NRG1: variants seen among roughly 807,000 people sequenced by gnomAD.
NRG1 encodes pro-neuregulin-1, membrane-bound isoform.
In NRG1, 18 loss-of-function variants were observed where a neutral mutation model predicts 63.8. The ratio of observed to expected loss-of-function variants is 0.28; its 90% confidence interval spans 0.19 to 0.42. NRG1 has a LOEUF of 0.42. NRG1 is among the 10% of genes least tolerant of loss of function. The pLI is 1.00. For synonymous variants in NRG1, 302 were observed against 301.3 expected (o/e 1.00, Z -0.02); for missense variants, 762 against 814.7 (o/e 0.94, Z 0.79).
At chr8:32,033,502 A>G (rs1818593684) in intron 1 of NRG1, among the ~76,000 whole-genome samples, 1 of 152,138 alleles carries the variant, frequency 6.6e-6, no homozygotes, top group South Asian at 2.1e-4. Flanking sequence ...ATTGTATTTT[A>G]ATGGAAATAG....
intron 1 of NRG1, among the ~76,000 whole-genome samples, chr8:32,061,284 C>T (rs1312191259): frequency 6.6e-6 from 1 of 151,838 alleles, no homozygotes; most frequent in Non-Finnish European, 1.5e-5. Context: ...CTTTAAAGCA[C>T]CAGACCAGTA....
At chr8:32,539,094 C>T (rs1832320152) in intron 1 of NRG1, among the ~76,000 whole-genome samples, 1 of 152,078 alleles carries the variant, frequency 6.6e-6, no homozygotes, top group African/African-American at 2.4e-5. Context: ...GCTAGAAAAC[C>T]ATAGTTCAGT....
At chr8:32,662,176 A>C (rs1203543939) in intron 5 of NRG1, among the ~76,000 whole-genome samples, 1 of 152,186 alleles carries the variant, frequency 6.6e-6, no homozygotes, top group Non-Finnish European at 1.5e-5. Flanking sequence ...AAATACCCTT[A>C]AGAAATACAT....
At chr8:32,685,493 G>A (rs1301932653) in intron 5 of NRG1, among the ~76,000 whole-genome samples, 4 of 152,156 alleles carry the variant, frequency 2.6e-5, no homozygotes, top group Non-Finnish European at 5.9e-5. Flanking sequence ...AGCAAATTCT[G>A]ATGTTTGTTC....
intron 5 of NRG1, among the ~76,000 whole-genome samples, chr8:32,715,637 G>A (rs1818988022): frequency 1.3e-5 from 1 of 76,854 alleles, no homozygotes; most frequent in African/African-American, 5.9e-5. Context: ...GAATAAATCA[G>A]GCCCTTTTTT....
intron 1 of NRG1, among the ~76,000 whole-genome samples, chr8:32,582,069 C>CTATTTTATTTTATTGTATTTTATTT (rs1840743441): frequency 6.9e-6 from 1 of 145,154 alleles, no homozygotes; most frequent in Non-Finnish European, 1.5e-5. Context: ...ACCATGAACT[C>CTATTTTATTTTATTGTATTTTATTT]TATTTTATTT....
intron 1 of NRG1, among the ~76,000 whole-genome samples, chr8:31,858,285 T>C (rs1828126104): frequency 6.8e-6 from 1 of 147,830 alleles, no homozygotes; most frequent in Non-Finnish European, 1.5e-5. Context: ...GGCAACAGAG[T>C]GAGACTCCGT....
chr8:31,705,757 AC>A (rs1311256984), intron 1 of NRG1, among the ~76,000 whole-genome samples: 6 of 152,204 alleles, frequency 3.9e-5, no homozygotes, highest in Non-Finnish European at 8.8e-5. Flanking sequence ...CAGTAAAAAT[AC>A]CCATTTTTCC....
intron 5 of NRG1, among the ~76,000 whole-genome samples, chr8:32,628,046 A>G (rs1395353449): frequency 6.6e-5 from 10 of 152,226 alleles, no homozygotes; most frequent in Non-Finnish European, 1.3e-4. Context: ...TTCTTTCACA[A>G]ATAATGTAGC....
chr8:32,188,961 A>G (rs1406568896), intron 1 of NRG1, among the ~76,000 whole-genome samples: 1 of 152,132 alleles, frequency 6.6e-6, no homozygotes, highest in Non-Finnish European at 1.5e-5. Context: ...AAAGTATAAT[A>G]ATAATAAAAT....
chr8:32,763,809 T>TCC lies in NRG1; in HGVS notation c.1325_1326dup (p.Lys443ProfsTer15). 1 of 1,597,898 alleles carries TCC rather than the reference T, an allele frequency of 6.3e-7. No individual in the cohort carries two copies. ...ACCTGTAGATTTCCACACGCCAAGCTCCCCCAAATCGCCCCCTTCGGAAAT... is the reference window on the plus strand; with the variant it reads ...ACCTGTAGATTTCCACACGCCAAGCTCCCCCCCAAATCGCCCCCTTCGGAAAT... On this transcript the variant is annotated frameshift_variant, in exon 12 of 12. Coordinates refer to ENST00000356819, the Ensembl canonical transcript of NRG1. LOFTEE classifies it high-confidence loss of function.
At chr8:32,554,130 T>C (rs116319870) in intron 1 of NRG1, among the ~76,000 whole-genome samples, 3,111 of 152,248 alleles carry the variant, frequency 0.02, 113 homozygotes, top group African/African-American at 0.07. Flanking sequence ...GCTCCCCCTC[T>C]TGACAAATAG....
chr8:32,303,734 C>T (rs1379195828), intron 1 of NRG1, among the ~76,000 whole-genome samples: 1 of 152,132 alleles, frequency 6.6e-6, no homozygotes, highest in East Asian at 1.9e-4. Flanking sequence ...ATTATTCATA[C>T]TATTTTAAAT....
At chr8:31,706,330 T>G (rs572871335) in intron 1 of NRG1, among the ~76,000 whole-genome samples, 2 of 152,270 alleles carry the variant, frequency 1.3e-5, no homozygotes, top group South Asian at 4.1e-4. Flanking sequence ...CCTCTTGATT[T>G]TTTTCTTGCT....
At chr8:31,982,850 C>T (rs1809385690) in intron 1 of NRG1, among the ~76,000 whole-genome samples, 2 of 152,064 alleles carry the variant, frequency 1.3e-5, no homozygotes, top group African/African-American at 4.8e-5. Flanking sequence ...TAGTAAGTAA[C>T]TGTTAATAAC....
chr8:32,145,337 C>T (rs115877613), intron 1 of NRG1, among the ~76,000 whole-genome samples: 3,108 of 152,208 alleles, frequency 0.02, 105 homozygotes, highest in African/African-American at 0.072. Flanking sequence ...GAATGCCATT[C>T]TTATGGCTTA....
intron 1 of NRG1, among the ~76,000 whole-genome samples, chr8:32,273,963 C>T (rs570592891): frequency 2.0e-5 from 3 of 152,240 alleles, no homozygotes; most frequent in East Asian, 3.9e-4. Context: ...TTAAGTATTG[C>T]TCCTGCAAAA....
chr8:32,590,045 C>T (rs1282095069), intron 1 of NRG1, among the ~76,000 whole-genome samples: 1 of 152,128 alleles, frequency 6.6e-6, no homozygotes, highest in Non-Finnish European at 1.5e-5. Context: ...ACTTTGCATA[C>T]CTGCATGTTT....
At chr8:32,216,469 CATGAT>C (rs923925635) in intron 1 of NRG1, among the ~76,000 whole-genome samples, 1 of 148,388 alleles carries the variant, frequency 6.7e-6, no homozygotes, top group African/African-American at 2.5e-5. Flanking sequence ...ATTGTATTAT[CATGAT>C]ATTATATATA....
Sources: allele counts gnomAD v4.1 joint callset (sites outside exome capture counted in the v4.1 genomes callset), GRCh38; gene constraint gnomAD v4.1.1; transcripts MANE v1.5; gene names NCBI Gene and HGNC (gene_info 2026-07-23, HGNC 2026-07-21).